CAMTA1: variants seen among roughly 807,000 people sequenced by gnomAD.
CAMTA1 encodes calmodulin binding transcription activator 1.
In CAMTA1, 27 loss-of-function variants were observed where a neutral mutation model predicts 170.9. That is an observed-to-expected ratio of 0.16 (90% CI 0.12 to 0.22). The LOEUF (loss-of-function observed/expected upper bound fraction) is 0.22, where lower values mean the gene tolerates loss of function less well. CAMTA1 is among the 10% of genes least tolerant of loss of function. The pLI, the probability that CAMTA1 is intolerant of heterozygous loss-of-function variation, is 1.00. For synonymous variants in CAMTA1, 833 were observed against 891.5 expected (o/e 0.93, Z 1.17); for missense variants, 1,619 against 2,217.2 (o/e 0.73, Z 5.42).
intron 21 of CAMTA1, among the ~76,000 whole-genome samples, chr1:7,753,667 T>C (rs2096912875): frequency 1.3e-5 from 2 of 152,200 alleles, no homozygotes; most frequent in South Asian, 2.1e-4. Context: ...TTTGTGACCA[T>C]AGAAGGAAAC....
At position 7,519,488 on chromosome 1, in the gene CAMTA1, C is replaced by A. The variant is rs1264175876; in HGVS notation, c.510+51587C>A. Among the ~76,000 whole-genome samples, 5 of 151,948 alleles carry A rather than the reference C, an allele frequency of 3.3e-5. 1 individual carries two copies. The highest frequency in any genetic ancestry group is 2.6e-4 in the Admixed American group (4 of 15,270). On this transcript the variant is annotated intron_variant, in intron 6 of 22. Transcript: ENST00000303635. ...ATTCAAGGAGCCTTGGAGATGCAGGCAGGGCTTCTGCCAGGCTTTGTGGTT... is the reference window on the plus strand; with the variant it reads ...ATTCAAGGAGCCTTGGAGATGCAGGAAGGGCTTCTGCCAGGCTTTGTGGTT...
intron 5 of CAMTA1, among the ~76,000 whole-genome samples, chr1:7,356,258 G>A (rs1433828429): frequency 1.3e-5 from 2 of 152,222 alleles, no homozygotes; most frequent in Admixed American, 1.3e-4. Context: ...TGTGCCCTCT[G>A]CAGGCAGTTC....
At chr1:6,791,927 C>A (rs1443655039) in intron 1 of CAMTA1, among the ~76,000 whole-genome samples, 1 of 151,648 alleles carries the variant, frequency 6.6e-6, no homozygotes, top group Non-Finnish European at 1.5e-5. Flanking sequence ...TATAGATGGT[C>A]TCCCATGATA....
chr1:7,508,161 G>T (rs1437498658), intron 6 of CAMTA1, among the ~76,000 whole-genome samples: 1 of 152,238 alleles, frequency 6.6e-6, no homozygotes, highest in African/African-American at 2.4e-5. Context: ...CAGAGAGGTG[G>T]AGCTGGGCTT....
chr1:7,148,701 C>A (rs559825788), intron 4 of CAMTA1, among the ~76,000 whole-genome samples: 2 of 152,224 alleles, frequency 1.3e-5, no homozygotes, highest in Non-Finnish European at 2.9e-5. Flanking sequence ...CCTCCCTCCC[C>A]CATCAGGGGA....
intron 11 of CAMTA1, chr1:7,694,035 A>T (rs2096348101): frequency 6.6e-6 from 1 of 152,300 alleles, no homozygotes; most frequent in Non-Finnish European, 1.5e-5. Flanking sequence ...CCAAGGGCTT[A>T]GAGTTCACCT....
intron 5 of CAMTA1, among the ~76,000 whole-genome samples, chr1:7,308,898 T>C (rs1375000812): frequency 6.6e-6 from 1 of 152,250 alleles, no homozygotes; most frequent in African/African-American, 2.4e-5. Flanking sequence ...TATTACTGAC[T>C]GAGAGAGAAG....
intron 4 of CAMTA1, among the ~76,000 whole-genome samples, chr1:7,215,288 T>G (rs1659556855): frequency 6.6e-6 from 1 of 152,220 alleles, no homozygotes; most frequent in Non-Finnish European, 1.5e-5. Context: ...GAGCTTAGAA[T>G]TTTAAAATTT....
chr1:7,650,044 G>A (rs1003258156), intron 7 of CAMTA1, among the ~76,000 whole-genome samples: 5 of 152,178 alleles, frequency 3.3e-5, no homozygotes, highest in African/African-American at 1.2e-4. Flanking sequence ...CACACACCAG[G>A]AGGCACCTGA....
chr1:7,657,697 C>T (rs917648982), intron 7 of CAMTA1, among the ~76,000 whole-genome samples: 4 of 152,118 alleles, frequency 2.6e-5, no homozygotes, highest in Non-Finnish European at 5.9e-5. Context: ...TGTTAAAAGC[C>T]GTCTTGATAC....
chr1:6,947,563 A>C (rs1228467204), intron 3 of CAMTA1, among the ~76,000 whole-genome samples: 2 of 134,430 alleles, frequency 1.5e-5, no homozygotes, highest in Non-Finnish European at 3.2e-5. Flanking sequence ...TTTTTTTTTG[A>C]GTAGAGATGG....
rs190467325 is a variant in CAMTA1 at position 7,299,938 on chromosome 1, C to T, written c.438+50312C>T. On this transcript the variant is annotated intron_variant, in intron 5 of 22. Transcript: ENST00000303635. The surrounding 1 kb of genome is among the most constrained non-coding windows in gnomAD (Gnocchi z 4.7). ...CGTGCAACCAGAGGTGCCCCGAAAG[C>T]TTAAGTGTCATTGACTTCCTAGCAA... Among the ~76,000 whole-genome samples the T allele has an allele frequency of 2.9e-3, 447 of 152,262 alleles. 5 individuals are homozygous for T. The highest frequency in any genetic ancestry group is 0.01 in the African/African-American group (431 of 41,570).
rs1221657993 is a variant in CAMTA1, at chr1:7,300,402, C to T, written c.438+50776C>T. Among the ~76,000 whole-genome samples, 9 of 152,296 alleles carry T rather than the reference C, an allele frequency of 5.9e-5. No homozygotes were observed. Among genetic ancestry groups the T allele is most frequent in the South Asian group, 2.1e-4 (1 of 4,828 alleles). On this transcript the variant is annotated intron_variant, in intron 5 of 22. Coordinates refer to ENST00000303635, the MANE Select transcript of CAMTA1 (RefSeq NM_015215.4). The surrounding 1 kb of genome is among the most constrained non-coding windows in gnomAD (Gnocchi z 4.1). ...TTTAGAAAATTGTATAGAGGCCAGG[C>T]GCAGTGGCTCACGCCTGTAATCCCC...
intron 5 of CAMTA1, among the ~76,000 whole-genome samples, chr1:7,451,051 C>A (rs1160790926): frequency 6.6e-6 from 1 of 152,206 alleles, no homozygotes. Context: ...GATGTAGGCT[C>A]TTCAGCTAGA....
Position 7,143,272 on chromosome 1 carries a change from G to T in CAMTA1, c.302+51901G>T, listed in dbSNP as rs920747592. On this transcript the variant is annotated intron_variant, in intron 4 of 22. Coordinates refer to ENST00000303635, the MANE Select transcript of CAMTA1 (RefSeq NM_015215.4). Reference sequence around the variant, plus strand: ...AATCCTGGGCTAACAGCCATCCATGGTATACAGGTAGCAGCCTCCATTCTC... The same window carrying T: ...AATCCTGGGCTAACAGCCATCCATGTTATACAGGTAGCAGCCTCCATTCTC... Among the ~76,000 whole-genome samples, 7 of 152,274 alleles carry T rather than the reference G, an allele frequency of 4.6e-5. No homozygotes were observed. In the South Asian group the frequency reaches 8.3e-4, roughly 18 times the overall value.
chr1:6,996,662 G>A (rs1057180108), intron 3 of CAMTA1, among the ~76,000 whole-genome samples: 2 of 151,290 alleles, frequency 1.3e-5, no homozygotes, highest in African/African-American at 4.9e-5. Flanking sequence ...ACTGGGGCCT[G>A]CCTCAGGCAA....
chr1:7,185,254 A>G (rs964680831), intron 4 of CAMTA1, among the ~76,000 whole-genome samples: 3 of 152,214 alleles, frequency 2.0e-5, no homozygotes, highest in African/African-American at 7.2e-5. Context: ...ATGATGTCTC[A>G]GTAGTAAACC....
intron 22 of CAMTA1, among the ~76,000 whole-genome samples, chr1:7,761,857 C>CT (rs148116709): frequency 0.15 from 22,880 of 148,496 alleles, 1,972 homozygotes; most frequent in Non-Finnish European, 0.19. Flanking sequence ...ATCTAATTCA[C>CT]TTTTTTTTTT....
chr1:7,384,890 C>T (rs1206831435), intron 5 of CAMTA1, among the ~76,000 whole-genome samples: 5 of 152,076 alleles, frequency 3.3e-5, no homozygotes, highest in Non-Finnish European at 5.9e-5. Context: ...TCCCTGTACC[C>T]GTCAGCGCCA....
Sources: allele counts gnomAD v4.1 joint callset (sites outside exome capture counted in the v4.1 genomes callset), GRCh38; gene constraint gnomAD v4.1.1; non-coding constraint Gnocchi (gnomAD v3.1); transcripts MANE v1.5; gene names NCBI Gene and HGNC (gene_info 2026-07-23, HGNC 2026-07-21).